The following SPATA18 variants were observed in gnomAD, a reference collection of about 807,000 sequenced individuals.
SPATA18 encodes spermatogenesis associated 18, also known as mitochondria-eating protein.
Under a neutral mutation model 68.1 loss-of-function variants are expected in SPATA18, and 54 were observed. That is an observed-to-expected ratio of 0.79 (90% CI 0.64 to 0.99). SPATA18 has a LOEUF of 0.99. Ranked by LOEUF, SPATA18 falls within the 50% of genes least tolerant of loss-of-function variation. SPATA18 has a pLI of 0.00. For synonymous variants in SPATA18, 242 were observed against 244.8 expected, an observed-to-expected ratio of 0.99 and a Z score of 0.11; for missense variants, 724 against 681.1, an observed-to-expected ratio of 1.06 and a Z score of -0.70.
chr4:52,083,317 G>A (rs1001198752), intron 10 of SPATA18: 4 of 985,230 alleles, frequency 4.1e-6, no homozygotes, highest in Non-Finnish European at 1.2e-6. Context: ...TGAAGAATAG[G>A]GGAAGTGTTT....
intron 9 of SPATA18, among the ~76,000 whole-genome samples, chr4:52,080,593 C>T (rs957424044): frequency 6.6e-6 from 1 of 152,150 alleles, no homozygotes; most frequent in Non-Finnish European, 1.5e-5. Context: ...GTTAAGAACA[C>T]AAGCTAGTGG....
intron 6 of SPATA18, among the ~76,000 whole-genome samples, chr4:52,073,606 T>TA (rs894724524): frequency 2.0e-5 from 3 of 152,048 alleles, no homozygotes; most frequent in Non-Finnish European, 2.9e-5. Flanking sequence ...AACTCATCTC[T>TA]AAAAAAAGTT....
intron 6 of SPATA18, among the ~76,000 whole-genome samples, chr4:52,074,166 A>G (rs1267587172): frequency 6.6e-6 from 1 of 152,182 alleles, no homozygotes; most frequent in Non-Finnish European, 1.5e-5. Flanking sequence ...ATTGGAAATT[A>G]TGTTCAGGAC....
intron 4 of SPATA18, among the ~76,000 whole-genome samples, chr4:52,064,300 T>C (rs1260113586): frequency 6.6e-6 from 1 of 152,028 alleles, no homozygotes; most frequent in African/African-American, 2.4e-5. Context: ...TTCAATAGAT[T>C]TTGGAGAACA....
chr4:52,069,396 G>A (rs911195339), intron 4 of SPATA18, among the ~76,000 whole-genome samples: 1 of 152,176 alleles, frequency 6.6e-6, no homozygotes, highest in Non-Finnish European at 1.5e-5. Context: ...TATTGAAGAA[G>A]TCTGCAGCCC....
At chr4:52,053,282 C>T (rs1483090446) in intron 1 of SPATA18, among the ~76,000 whole-genome samples, 1 of 152,150 alleles carries the variant, frequency 6.6e-6, no homozygotes, top group Non-Finnish European at 1.5e-5. Flanking sequence ...GATAACATCC[C>T]ATTCTCTGCT....
chr4:52,059,340 A>G (rs138595675), intron 1 of SPATA18, among the ~76,000 whole-genome samples: 57 of 152,328 alleles, frequency 3.7e-4, no homozygotes, highest in African/African-American at 1.3e-3. Context: ...GTGACACATA[A>G]ATCGATGCAT....
intron 11 of SPATA18, among the ~76,000 whole-genome samples, chr4:52,089,963 G>C (rs1400757825): frequency 1.3e-5 from 2 of 152,168 alleles, no homozygotes; most frequent in African/African-American, 4.8e-5. Flanking sequence ...GAATCTGGGT[G>C]CTTCTGTATT....
At chr4:52,091,194 T>A (rs916909894) in intron 11 of SPATA18, among the ~76,000 whole-genome samples, 3 of 152,100 alleles carry the variant, frequency 2.0e-5, no homozygotes, top group Admixed American at 2.0e-4. Flanking sequence ...CGACTAACCT[T>A]TTTTCAAGGT....
In SPATA18 at chr4:52,078,779, C is replaced by T. The variant is rs781500309; in HGVS notation, c.1065C>T (p.Ile355=). Residue 355 remains isoleucine (I), a synonymous_variant, in exon 8 of 13, where the codon ATC becomes ATT. Transcript: ENST00000295213. ...AAATGGCATTCAGACACTTCAAGATCCATGTGAGAAAATCGTTGACACCAT... is the reference window on the plus strand; with the variant it reads ...AAATGGCATTCAGACACTTCAAGATTCATGTGAGAAAATCGTTGACACCAT... The part of the protein sequence containing the change: ...VAKMAFRHFK[I]HVRKSLTPSY... 6.2e-7 allele frequency: 1 copy of T among 1,605,906 alleles called. No individual in the cohort carries two copies. Among genetic ancestry groups the T allele is most frequent in the Non-Finnish European group, 8.5e-7 (1 of 1,173,478 alleles).
At chr4:52,094,448 G>GA (rs368034188) in intron 11 of SPATA18, 79 bp from the exon 12 acceptor site, 287 of 1,471,420 alleles carry the variant, frequency 2.0e-4, no homozygotes, top group African/African-American at 4.7e-4. Context: ...TGGTTTTAGG[G>GA]AAAAAAAATA....
chr4:52,070,709 A>G (rs1739753748), intron 5 of SPATA18, among the ~76,000 whole-genome samples: 1 of 152,236 alleles, frequency 6.6e-6, no homozygotes. Context: ...AAAAGAGTGA[A>G]TTCACATTCT....
chr4:52,060,247 T>A (rs893565259), intron 1 of SPATA18, among the ~76,000 whole-genome samples, 172 bp from the exon 2 acceptor site: 1 of 152,206 alleles, frequency 6.6e-6, no homozygotes, highest in African/African-American at 2.4e-5. Context: ...AAATGTGGTC[T>A]AGTTTTGTGT....
chr4:52,094,483 C>T (rs1357903978), intron 11 of SPATA18, 44 bp from the exon 12 acceptor site: 26 of 1,581,794 alleles, frequency 1.6e-5, no homozygotes, highest in Non-Finnish European at 2.1e-5. Flanking sequence ...ATCCTTTGAG[C>T]TCCGTCTACT....
intron 1 of SPATA18, among the ~76,000 whole-genome samples, chr4:52,054,048 G>A (rs545312663): frequency 3.9e-5 from 6 of 152,334 alleles, no homozygotes; most frequent in African/African-American, 1.4e-4. Context: ...GCTCGTCCTA[G>A]AGCAATGCTG....
intron 1 of SPATA18, among the ~76,000 whole-genome samples, chr4:52,059,017 T>C (rs1738601461): frequency 1.3e-5 from 2 of 152,126 alleles, no homozygotes; most frequent in Non-Finnish European, 2.9e-5. Context: ...ACAAAGTGAG[T>C]GAATCATCTC....
At chr4:52,070,936 C>T (rs1157926989) in intron 5 of SPATA18, among the ~76,000 whole-genome samples, 8 of 151,322 alleles carry the variant, frequency 5.3e-5, no homozygotes, top group Admixed American at 2.0e-4. Flanking sequence ...TGATTATCTT[C>T]GCATGTGTTC....
intron 6 of SPATA18, 134 bp from the exon 7 acceptor site, chr4:52,076,645 T>A: frequency 1.7e-6 from 2 of 1,169,314 alleles, no homozygotes; most frequent in South Asian, 3.1e-5. Context: ...AATAGGGAAG[T>A]CTAATCACTT....
chr4:52,053,466 C>T (rs917111577), intron 1 of SPATA18, among the ~76,000 whole-genome samples: 1 of 152,138 alleles, frequency 6.6e-6, no homozygotes, highest in South Asian at 2.1e-4. Context: ...TATTCTTCCC[C>T]CTCCACTCCT....
Sources: allele counts gnomAD v4.1 joint callset (sites outside exome capture counted in the v4.1 genomes callset), GRCh38; gene constraint gnomAD v4.1.1; transcripts MANE v1.5; gene names NCBI Gene and HGNC (gene_info 2026-07-23, HGNC 2026-07-21).